Variants in GPC6 observed in about 807,000 individuals in gnomAD.
GPC6 encodes the protein glypican 6.
A neutral mutation model predicts 55.2 loss-of-function variants in GPC6; 14 were observed. That is an observed-to-expected ratio of 0.25 (90% CI 0.17 to 0.40). The LOEUF (loss-of-function observed/expected upper bound fraction) is 0.40. Ranked by LOEUF, GPC6 falls within the 10% of genes least tolerant of loss-of-function variation. GPC6 has a pLI of 1.00. For synonymous variants in GPC6, 278 were observed against 259.6 expected (o/e 1.07, Z -0.68); for missense variants, 641 against 708.5 (o/e 0.90, Z 1.08).
intron 2 of GPC6, among the ~76,000 whole-genome samples, chr13:93,689,122 G>A (rs1882159564): frequency 6.6e-6 from 1 of 151,686 alleles, no homozygotes; most frequent in Non-Finnish European, 1.5e-5. Flanking sequence ...TTTTTATTTG[G>A]TCTAAGTCTA....
intron 5 of GPC6, among the ~76,000 whole-genome samples, chr13:94,295,530 G>A (rs7996487): frequency 0.35 from 53,502 of 151,824 alleles, 9,943 homozygotes; most frequent in Non-Finnish European, 0.42. Flanking sequence ...CACTTAGAAA[G>A]GGAGATGGAT....
intron 2 of GPC6, among the ~76,000 whole-genome samples, chr13:93,587,082 T>A (rs985668858): frequency 1.3e-5 from 2 of 152,212 alleles, no homozygotes; most frequent in Non-Finnish European, 2.9e-5. Flanking sequence ...TTTAAATTGC[T>A]TGCACTGCAA....
chr13:93,659,657 A>G (rs1177568497), intron 2 of GPC6, among the ~76,000 whole-genome samples: 1 of 152,046 alleles, frequency 6.6e-6, no homozygotes, highest in Non-Finnish European at 1.5e-5. Context: ...GATTCATTAC[A>G]TATAATATCT....
At chr13:93,472,852 G>A (rs1280112296) in intron 1 of GPC6, among the ~76,000 whole-genome samples, 2 of 152,214 alleles carry the variant, frequency 1.3e-5, no homozygotes, top group African/African-American at 2.4e-5. Flanking sequence ...AAGACAAGAG[G>A]AGCTTTACTG....
At chr13:93,338,240 G>C (rs1488544055) in intron 1 of GPC6, among the ~76,000 whole-genome samples, 1 of 152,162 alleles carries the variant, frequency 6.6e-6, no homozygotes, top group Non-Finnish European at 1.5e-5. Flanking sequence ...GCTGATGACT[G>C]AGTGGATCTA....
At chr13:94,195,857 G>T (rs993919026) in intron 4 of GPC6, among the ~76,000 whole-genome samples, 2 of 152,282 alleles carry the variant, frequency 1.3e-5, no homozygotes, top group African/African-American at 2.4e-5. Flanking sequence ...GGTGACTAAG[G>T]TTCAGCTTTG....
intron 3 of GPC6, among the ~76,000 whole-genome samples, chr13:93,930,290 T>TTTTTTTTTTTTTTTTTG (rs1212509139): frequency 1.4e-5 from 2 of 142,510 alleles, no homozygotes; most frequent in Admixed American, 6.9e-5. Context: ...TTTTTTTTTG[T>TTTTTTTTTTTTTTTTTG]AGACAGAGTC....
At chr13:94,282,284 A>G (rs1447519082) in intron 4 of GPC6, among the ~76,000 whole-genome samples, 7 of 152,260 alleles carry the variant, frequency 4.6e-5, no homozygotes, top group Non-Finnish European at 8.8e-5. Flanking sequence ...GAAACTTACA[A>G]TCATGGCAGA....
intron 4 of GPC6, among the ~76,000 whole-genome samples, chr13:94,228,507 A>G (rs1387173172): frequency 6.6e-6 from 1 of 152,124 alleles, no homozygotes; most frequent in East Asian, 1.9e-4. Flanking sequence ...ATGCCTTTAC[A>G]TGAGATTTTT....
intron 2 of GPC6, among the ~76,000 whole-genome samples, chr13:93,811,682 T>C (rs1378863804): frequency 6.6e-6 from 1 of 152,144 alleles, no homozygotes; most frequent in Admixed American, 6.6e-5. Context: ...AGAGCCTCTT[T>C]GCCAGAATTT....
chr13:94,357,025 A>G (rs1371222571), intron 6 of GPC6, among the ~76,000 whole-genome samples: 1 of 152,212 alleles, frequency 6.6e-6, no homozygotes, highest in African/African-American at 2.4e-5. Flanking sequence ...CCCTGTCATC[A>G]ATCTGGACCA....
intron 1 of GPC6, among the ~76,000 whole-genome samples, chr13:93,415,065 C>A (rs1876648344): frequency 6.6e-6 from 1 of 152,140 alleles, no homozygotes; most frequent in African/African-American, 2.4e-5. Flanking sequence ...TGGAGACAAT[C>A]TGGTAGAATG....
chr13:93,360,516 A>G (rs1881008497), intron 1 of GPC6, among the ~76,000 whole-genome samples: 1 of 152,212 alleles, frequency 6.6e-6, no homozygotes, highest in Non-Finnish European at 1.5e-5. Flanking sequence ...AGCCTATAAA[A>G]TAATATCATG....
intron 1 of GPC6, among the ~76,000 whole-genome samples, chr13:93,289,455 G>T (rs765186950): frequency 6.6e-6 from 1 of 152,070 alleles, no homozygotes; most frequent in South Asian, 2.1e-4. Context: ...AACAAAAGAG[G>T]CATTTAAAAG....
rs368819842 is a variant in GPC6 at position 94,259,861 on chromosome 13, A to G, written c.878-26488A>G. Among the ~76,000 whole-genome samples, 24 of 152,322 alleles carry G rather than the reference A, an allele frequency of 1.6e-4. No individual in the cohort carries two copies. In the East Asian group the frequency reaches 1.7e-3, roughly 11 times the overall value. On this transcript the variant is annotated intron_variant, in intron 4 of 8. Coordinates refer to ENST00000377047, the MANE Select transcript of GPC6 (RefSeq NM_005708.5). ...ATCTTATGATTTTTATGGTTGAATAATAATACTCTATTGTGTGTATACACA... is the reference window on the plus strand; with the variant it reads ...ATCTTATGATTTTTATGGTTGAATAGTAATACTCTATTGTGTGTATACACA...
chr13:93,383,686 A>G (rs1309859468), intron 1 of GPC6, among the ~76,000 whole-genome samples: 1 of 152,160 alleles, frequency 6.6e-6, no homozygotes, highest in Non-Finnish European at 1.5e-5. Flanking sequence ...CATGCTACTA[A>G]GAGAAGAAAC....
At position 93,707,111 on chromosome 13, in the gene GPC6, T is replaced by C. The variant is rs575102332; in HGVS notation, c.320-123043T>C. ...AGTAATTTTCTTCTTTATACTTACC[T>C]ATAATTTCAAATTTAAAAAAATCTA... On this transcript the variant is annotated intron_variant, in intron 2 of 8. Coordinates refer to ENST00000377047, the MANE Select transcript of GPC6 (RefSeq NM_005708.5). Among the ~76,000 whole-genome samples the C allele has an allele frequency of 2.4e-4, 37 of 151,920 alleles. 1 individual carries two copies. In the South Asian group the frequency reaches 7.3e-3, roughly 30 times the overall value.
intron 3 of GPC6, among the ~76,000 whole-genome samples, chr13:93,945,468 A>G (rs904938272): frequency 3.9e-5 from 6 of 152,206 alleles, no homozygotes; most frequent in Non-Finnish European, 7.3e-5. Flanking sequence ...GCTCCAATTG[A>G]AAGTTGTTGG....
At chr13:93,224,257 C>G (rs528919825), upstream of GPC6, among the ~76,000 whole-genome samples, 99 of 145,412 alleles carry the variant, frequency 6.8e-4, no homozygotes, top group Non-Finnish European at 1.1e-3. Context: ...TGCAATGGCA[C>G]GATCTCGCCT....
Sources: gnomAD v4.1 joint callset for allele counts (sites outside exome capture counted in the v4.1 genomes callset) on GRCh38, gnomAD v4.1.1 for gene constraint, MANE v1.5 for transcripts, NCBI Gene and HGNC (gene_info 2026-07-23, HGNC 2026-07-21) for gene names.